Variants in SH3BGR observed in about 807,000 individuals in gnomAD.
The protein encoded by SH3BGR is SH3 domain binding glutamate rich protein.
SH3BGR carries 29 observed loss-of-function variants against 24.5 expected under a neutral mutation model. That is an observed-to-expected ratio of 1.18 (90% CI 0.88 to 1.61). The LOEUF (loss-of-function observed/expected upper bound fraction) is 1.61. Among genes scored for constraint, SH3BGR ranks in the 40% most tolerant of loss-of-function variants. The pLI is 0.00. For missense variants in SH3BGR, 162 were observed against 205.8 expected, an observed-to-expected ratio of 0.79 and a Z score of 1.30; for synonymous variants, 55 against 65.7, an observed-to-expected ratio of 0.84 and a Z score of 0.79.
At chr21:39,456,385 T>A (rs1388509278) in intron 1 of SH3BGR, among the ~76,000 whole-genome samples, 1 of 152,248 alleles carries the variant, frequency 6.6e-6, no homozygotes, top group Non-Finnish European at 1.5e-5. Flanking sequence ...AGGGAATAAG[T>A]GCTTTATAAA....
chr21:39,494,163 T>A (rs1469915465), intron 3 of SH3BGR, among the ~76,000 whole-genome samples: 1 of 152,146 alleles, frequency 6.6e-6, no homozygotes, highest in Non-Finnish European at 1.5e-5. Flanking sequence ...TGCTATACGA[T>A]CATGTGTATC....
intron 3 of SH3BGR, among the ~76,000 whole-genome samples, chr21:39,479,481 T>TGTTG (rs1363298584): frequency 5.3e-5 from 8 of 151,662 alleles, no homozygotes; most frequent in African/African-American, 1.9e-4. Context: ...TTGGTGGTGG[T>TGTTG]GATGGTAGTG....
chr21:39,459,162 T>C lies in SH3BGR; in HGVS notation c.46-3213T>C, dbSNP rs1196445568. ...TGATTGATTATTTGTTTTATTACCC[T>C]TTCTTTCTCCTCCTTCCCTCCCTCT... On this transcript the variant is annotated intron_variant, in intron 1 of 6. Transcript: ENST00000333634. Among the ~76,000 whole-genome samples the C allele has an allele frequency of 2.0e-5, 3 of 152,170 alleles. No individual in the cohort carries two copies. In the East Asian group the frequency reaches 5.8e-4, roughly 29 times the overall value.
intron 3 of SH3BGR, among the ~76,000 whole-genome samples, chr21:39,495,126 A>T (rs1030415686): frequency 3.9e-3 from 1 of 258 alleles, no homozygotes; most frequent in Non-Finnish European, 7.6e-3. Flanking sequence ...CATCTTTGAG[A>T]ATAGTTTAAT....
At chr21:39,508,964 GTT>G in intron 4 of SH3BGR, 32 bp from the exon 5 acceptor site, 1 of 1,551,906 alleles carries the variant, frequency 6.4e-7, no homozygotes, top group Non-Finnish European at 8.8e-7. Flanking sequence ...CTTGAATTAT[GTT>G]TTTTTCTTTA....
At chr21:39,484,888 C>T (rs923715885) in intron 3 of SH3BGR, among the ~76,000 whole-genome samples, 1 of 152,184 alleles carries the variant, frequency 6.6e-6, no homozygotes, top group African/African-American at 2.4e-5. Context: ...ATCACGGTGT[C>T]ATGTTGTAGT....
chr21:39,488,132 T>G lies in SH3BGR; in HGVS notation c.313-11691T>G, dbSNP rs534751933. 2.1e-4 allele frequency among the ~76,000 whole-genome samples: 32 copies of G among 152,320 alleles called. No homozygotes were observed. In the South Asian group the frequency reaches 6.4e-3, roughly 31 times the overall value. ...TTGGGCTAGTAGTCTCAGGAAGCCATCTGCTTCTCAACTAAAGTTCTGGAA... is the reference window on the plus strand; with the variant it reads ...TTGGGCTAGTAGTCTCAGGAAGCCAGCTGCTTCTCAACTAAAGTTCTGGAA... On this transcript the variant is annotated intron_variant, in intron 3 of 6. Transcript: ENST00000333634.
chr21:39,462,923 A>G (rs2410157), intron 2 of SH3BGR, among the ~76,000 whole-genome samples: 136,854 of 152,298 alleles, frequency 0.9, 61,525 homozygotes, highest in African/African-American at 0.91. Flanking sequence ...TTTCTCTGTC[A>G]CCCAGGCTGG....
At chr21:39,476,362 C>T (rs1253092900) in intron 3 of SH3BGR, among the ~76,000 whole-genome samples, 6 of 152,066 alleles carry the variant, frequency 3.9e-5, no homozygotes, top group Non-Finnish European at 8.8e-5. Context: ...CATTAGAGGC[C>T]ATGACAGAAG....
At chr21:39,462,179 A>G (rs1299326000) in intron 1 of SH3BGR, among the ~76,000 whole-genome samples, 196 bp from the exon 2 acceptor site, 1 of 152,196 alleles carries the variant, frequency 6.6e-6, no homozygotes. Context: ...CATTGATGAT[A>G]CTAAAATTTC....
At chr21:39,500,348 A>G (rs1420960754) in intron 4 of SH3BGR, among the ~76,000 whole-genome samples, 1 of 152,144 alleles carries the variant, frequency 6.6e-6, no homozygotes, top group Non-Finnish European at 1.5e-5. Context: ...GAACTTGAGG[A>G]TAAAAAGGAC....
chr21:39,475,334 A>G, intron 3 of SH3BGR, 119 bp downstream of exon 3: 1 of 644,288 alleles, frequency 1.6e-6, no homozygotes, highest in South Asian at 2.0e-5. Flanking sequence ...ACTTTAGTAC[A>G]CTTCTTATTC....
intron 4 of SH3BGR, among the ~76,000 whole-genome samples, chr21:39,501,793 C>T (rs1329941025): frequency 6.6e-6 from 1 of 152,172 alleles, no homozygotes; most frequent in African/African-American, 2.4e-5. Context: ...AAGAAGGAGA[C>T]AAACACCACT....
At chr21:39,464,301 C>CTG (rs1313651400) in intron 2 of SH3BGR, among the ~76,000 whole-genome samples, 6 of 152,256 alleles carry the variant, frequency 3.9e-5, no homozygotes, top group Non-Finnish European at 8.8e-5. Flanking sequence ...CAGCTCACTG[C>CTG]AACCTCTACC....
At position 39,479,268 on chromosome 21, in the gene SH3BGR, C is replaced by CTGGTGGTGATAGTGA. The variant is rs1443396944; in HGVS notation, c.312+4061_312+4075dup. Among the ~76,000 whole-genome samples, 554 of 106,574 alleles carry CTGGTGGTGATAGTGA rather than the reference C, an allele frequency of 5.2e-3. 5 individuals are homozygous for CTGGTGGTGATAGTGA. The highest frequency in any genetic ancestry group is 0.048 in the Middle Eastern group (8 of 166). The allele number at this position is 106,574 out of a possible 152,430, so 69.9% of individuals were successfully genotyped here. ...GGTGGTGGTGGTGGTGATGGTAGTG[C>CTGGTGGTGATAGTGA]TGGTGGTGATAGTGATGGTGGTAGT... On this transcript the variant is annotated intron_variant, in intron 3 of 6. Coordinates refer to ENST00000333634, the MANE Select transcript of SH3BGR (RefSeq NM_007341.3).
intron 4 of SH3BGR, among the ~76,000 whole-genome samples, chr21:39,503,487 A>C (rs8130969): frequency 0.083 from 12,624 of 152,204 alleles, 740 homozygotes; most frequent in African/African-American, 0.16. Context: ...CAAAACGAGC[A>C]AAAAACCTCT....
intron 6 of SH3BGR, among the ~76,000 whole-genome samples, chr21:39,512,572 C>A (rs751332903): frequency 6.6e-6 from 1 of 152,058 alleles, no homozygotes; most frequent in African/African-American, 2.4e-5. Flanking sequence ...AGGACATGGG[C>A]GAATGCTTAA....
At chr21:39,465,380 T>C (rs1361674481) in intron 2 of SH3BGR, among the ~76,000 whole-genome samples, 1 of 152,218 alleles carries the variant, frequency 6.6e-6, no homozygotes, top group Non-Finnish European at 1.5e-5. Flanking sequence ...GGGCCTCATG[T>C]TTTCATCTTG....
At position 39,457,406 on chromosome 21, in the gene SH3BGR, TTATA is replaced by T. The variant is rs1342276376; in HGVS notation, c.46-4964_46-4961del. 7.0e-5 allele frequency among the ~76,000 whole-genome samples: 10 copies of T among 143,816 alleles called. No individual in the cohort carries two copies. In the East Asian group the frequency reaches 7.9e-4, roughly 11 times the overall value. The allele number at this position is 143,816 out of a possible 152,430, so 94.3% of individuals were successfully genotyped here. A position where few individuals can be genotyped will look rare whatever the true frequency, so the allele number is the denominator to read the frequency against. On this transcript the variant is annotated intron_variant, in intron 1 of 6. Coordinates refer to ENST00000333634, the MANE Select transcript of SH3BGR (RefSeq NM_007341.3). ...TATATTATATAGTTATATATAAATC[TTATA>T]TATAAGATTATTATATATTATATAG... is the stretch of plus-strand genomic sequence containing the variant.
Sources: allele counts gnomAD v4.1 joint callset (sites outside exome capture counted in the v4.1 genomes callset), GRCh38; gene constraint gnomAD v4.1.1; transcripts MANE v1.5; gene names NCBI Gene and HGNC (gene_info 2026-07-23, HGNC 2026-07-21).